The following PXYLP1 variants were observed in gnomAD, a reference collection of about 807,000 sequenced individuals.
The protein encoded by PXYLP1 is acid phosphatase-like 2.
In PXYLP1, 17 loss-of-function variants were observed where a neutral mutation model predicts 37.9. That is an observed-to-expected ratio of 0.45 (90% CI 0.31 to 0.67). The LOEUF is 0.67. Ranked by LOEUF, PXYLP1 falls within the 30% of genes least tolerant of loss-of-function variation. PXYLP1 has a pLI of 0.07. For synonymous variants in PXYLP1, 221 were observed against 232.2 expected (o/e 0.95, Z 0.44); for missense variants, 511 against 612.0 (o/e 0.84, Z 1.74).
At chr3:141,279,995 T>G (rs1941909210) in intron 4 of PXYLP1, among the ~76,000 whole-genome samples, 1 of 152,244 alleles carries the variant, frequency 6.6e-6, no homozygotes, top group African/African-American at 2.4e-5. Flanking sequence ...GTAAGAATTA[T>G]TTCACCCTTC....
At chr3:141,277,614 G>A (rs1941828185) in intron 2 of PXYLP1, among the ~76,000 whole-genome samples, 1 of 152,220 alleles carries the variant, frequency 6.6e-6, no homozygotes, top group African/African-American at 2.4e-5. Flanking sequence ...ATTGACTCTG[G>A]TCACATGTCC....
At chr3:141,268,168 GGAGAGAGAGAGAGAGAGAGA>G (rs142785821) in intron 2 of PXYLP1, among the ~76,000 whole-genome samples, 6 of 129,686 alleles carry the variant, frequency 4.6e-5, no homozygotes, top group African/African-American at 1.5e-4. Context: ...GGTGGGTGGG[GGAGAGAGAGAGAGAGAGAGA>G]GAGAGAGAGA....
chr3:141,239,258 C>T (rs1295179932), intron 1 of PXYLP1, among the ~76,000 whole-genome samples: 1 of 152,150 alleles, frequency 6.6e-6, no homozygotes, highest in South Asian at 2.1e-4. Flanking sequence ...CCTCTTTTGT[C>T]GCCAGTGTGT....
intron 1 of PXYLP1, among the ~76,000 whole-genome samples, chr3:141,246,477 G>A (rs1264356567): frequency 6.6e-6 from 1 of 152,192 alleles, no homozygotes; most frequent in South Asian, 2.1e-4. Context: ...CTATGAGAAA[G>A]TGATCTTTGA....
chr3:141,255,889 C>G (rs745427239), intron 1 of PXYLP1, among the ~76,000 whole-genome samples: 9 of 152,114 alleles, frequency 5.9e-5, no homozygotes, highest in Non-Finnish European at 1.3e-4. Context: ...GAGTGGGGCC[C>G]AACAGAAGCT....
chr3:141,233,478 A>C (rs1005144689), intron 1 of PXYLP1, among the ~76,000 whole-genome samples: 5 of 151,858 alleles, frequency 3.3e-5, no homozygotes, highest in Non-Finnish European at 7.4e-5. Flanking sequence ...AAAAAAAAAA[A>C]AAAAAAACCC....
At chr3:141,276,977 C>T (rs1464384878) in intron 2 of PXYLP1, among the ~76,000 whole-genome samples, 4 of 152,158 alleles carry the variant, frequency 2.6e-5, no homozygotes, top group Admixed American at 1.3e-4. Context: ...AGCATCTCTT[C>T]ATGTGTTTAT....
chr3:141,274,742 G>A (rs1471427194), intron 2 of PXYLP1: 7 of 687,830 alleles, frequency 1.0e-5, no homozygotes, highest in Non-Finnish European at 1.9e-5. Context: ...ACCCCTGCTT[G>A]CATATACTAT....
At chr3:141,278,594 C>T in intron 3 of PXYLP1, 94 bp downstream of exon 3, 1 of 1,492,970 alleles carries the variant, frequency 6.7e-7, no homozygotes, top group Non-Finnish European at 9.1e-7. Context: ...TGGCCAGGAC[C>T]CAAGTCCTGC....
At chr3:141,273,512 G>T in intron 2 of PXYLP1, 1 of 984,830 alleles carries the variant, frequency 1.0e-6, no homozygotes, top group Non-Finnish European at 1.2e-6. Flanking sequence ...ATGGGGTGGG[G>T]AAGGGTGGTG....
At chr3:141,242,702 GT>G (rs1225005172) in intron 1 of PXYLP1, among the ~76,000 whole-genome samples, 2 of 152,324 alleles carry the variant, frequency 1.3e-5, no homozygotes, top group Non-Finnish European at 2.9e-5. Flanking sequence ...GTTTGATGCT[GT>G]TTTTTGGGTG....
intron 1 of PXYLP1, among the ~76,000 whole-genome samples, chr3:141,251,382 C>A (rs530480785): frequency 6.6e-6 from 1 of 152,304 alleles, no homozygotes; most frequent in South Asian, 2.1e-4. Context: ...TGGTCTGGGG[C>A]AGGCAGCTTC....
At position 141,274,491 on chromosome 3, in the gene PXYLP1, G is replaced by A. The variant is rs1015204974; in HGVS notation, c.80-3851G>A. 6 of 1,523,614 alleles carry A rather than the reference G, an allele frequency of 3.9e-6. No homozygotes were observed. The South Asian group carries it at 6.0e-5, about 15-fold the overall frequency. 94.4% of individuals were successfully genotyped at this position (1,523,614 alleles called of 1,614,324 possible). A position where few individuals can be genotyped will look rare whatever the true frequency, so the allele number is the denominator to read the frequency against. ...TCATCAGTTTTTCAGGCCCAGCTAG[G>A]TGTCTCCTCTGGGAAGCCTGTTTGG... is the stretch of plus-strand genomic sequence containing the variant. On this transcript the variant is annotated intron_variant, in intron 2 of 5. Coordinates refer to ENST00000286353, the MANE Select transcript of PXYLP1 (RefSeq NM_001037172.3).
intron 4 of PXYLP1, among the ~76,000 whole-genome samples, chr3:141,281,650 G>A (rs1336788173): frequency 6.6e-6 from 1 of 152,188 alleles, no homozygotes. Flanking sequence ...ACCCCACCTG[G>A]GGCAGGGAGG....
intron 1 of PXYLP1, among the ~76,000 whole-genome samples, chr3:141,252,612 A>G (rs1941166939): frequency 6.6e-6 from 1 of 152,094 alleles, no homozygotes. Flanking sequence ...CATGACCCAA[A>G]CACCTCCCAC....
At chr3:141,237,580 C>A (rs150093937) in intron 1 of PXYLP1, among the ~76,000 whole-genome samples, 1 of 152,268 alleles carries the variant, frequency 6.6e-6, no homozygotes, top group East Asian at 1.9e-4. Flanking sequence ...TATAATAATA[C>A]ATGATGAGGG....
intron 4 of PXYLP1, among the ~76,000 whole-genome samples, chr3:141,283,302 C>T (rs926259252): frequency 4.6e-5 from 7 of 151,980 alleles, no homozygotes; most frequent in Non-Finnish European, 8.8e-5. Context: ...AATTTTGCAG[C>T]TCAGGGGCAC....
chr3:141,294,902 C>T lies in PXYLP1; in HGVS notation c.*1697C>T, dbSNP rs1422235020. 6.6e-6 allele frequency: 1 copy of T among 152,080 alleles called. No homozygotes were observed. Among genetic ancestry groups the T allele is most frequent in the Admixed American group, 6.5e-5 (1 of 15,270 alleles). 9.4% of individuals were successfully genotyped at this position (152,080 alleles called of 1,614,324 possible). ...TGAAGACTTAAAAATAAAAGTGACT[C>T]GGAAGATTTTTTAAAAAATCAATTG... is the stretch of plus-strand genomic sequence containing the variant. On this transcript the variant is annotated 3_prime_UTR_variant, in exon 6 of 6. Transcript: ENST00000286353.
Position 141,293,432 on chromosome 3 carries a change from C to G in PXYLP1, c.*227C>G, listed in dbSNP as rs573885249. The G allele has an allele frequency of 5.4e-6, 3 of 550,714 alleles. No individual in the cohort carries two copies. The highest frequency in any genetic ancestry group is 3.0e-5 in the East Asian group (1 of 33,150). The allele number at this position is 550,714 out of a possible 1,614,324, so 34.1% of individuals were successfully genotyped here. A position where few individuals can be genotyped will look rare whatever the true frequency, so the allele number is the denominator to read the frequency against. On this transcript the variant is annotated 3_prime_UTR_variant, in exon 6 of 6. Coordinates refer to ENST00000286353, the MANE Select transcript of PXYLP1 (RefSeq NM_001037172.3). ...CCAGTTCACAGAGGAATAGAAGGTA[C>G]TTTATCATAGCCAGACTTCGCTTAG... is the stretch of plus-strand genomic sequence containing the variant.
Sources: allele counts gnomAD v4.1 joint callset (sites outside exome capture counted in the v4.1 genomes callset), GRCh38; gene constraint gnomAD v4.1.1; transcripts MANE v1.5; gene names NCBI Gene and HGNC (gene_info 2026-07-23, HGNC 2026-07-21).